The following RANBP17 variants were observed in gnomAD, a reference collection of about 807,000 sequenced individuals.
RANBP17 encodes the protein RAN binding protein 17, also known as ran-binding protein 17.
In RANBP17, 158 loss-of-function variants were observed where a neutral mutation model predicts 141.2. The ratio of observed to expected loss-of-function variants is 1.12; its 90% confidence interval spans 0.98 to 1.28. The LOEUF (loss-of-function observed/expected upper bound fraction) is 1.28. Ranked by LOEUF, RANBP17 falls within the 50% of genes most tolerant of loss-of-function variation. RANBP17 has a pLI of 0.00. For synonymous variants in RANBP17, 430 were observed against 450.0 expected (o/e 0.96, Z 0.56); for missense variants, 1,438 against 1,290.7 (o/e 1.11, Z -1.75).
rs1768398375 is a variant in RANBP17, at chr5:171,290,154, G to A, written c.2944-3729G>A. 2.6e-5 allele frequency among the ~76,000 whole-genome samples: 4 copies of A among 151,870 alleles called. 1 individual carries two copies. The South Asian group carries it at 8.3e-4, about 32-fold the overall frequency. On this transcript the variant is annotated intron_variant, in intron 25 of 27. Coordinates refer to ENST00000523189, the MANE Select transcript of RANBP17 (RefSeq NM_022897.5). ...GAGGCGGAGGCAGGTGGATCACGAG[G>A]TCAGGAGTTCGAGACCAGCCTGACC... is the stretch of plus-strand genomic sequence containing the variant.
chr5:171,227,320 T>A (rs1043890848), intron 22 of RANBP17, among the ~76,000 whole-genome samples: 1 of 152,228 alleles, frequency 6.6e-6, no homozygotes, highest in Non-Finnish European at 1.5e-5. Flanking sequence ...AACAACCTTA[T>A]TGCTGACATG....
chr5:171,057,641 C>G (rs1436286270), intron 14 of RANBP17, among the ~76,000 whole-genome samples: 1 of 133,150 alleles, frequency 7.5e-6, no homozygotes, highest in East Asian at 2.4e-4. Context: ...GAAGAAATAC[C>G]CAAGACTTGA....
At chr5:171,013,255 C>G (rs1199396077) in intron 14 of RANBP17, among the ~76,000 whole-genome samples, 1 of 152,158 alleles carries the variant, frequency 6.6e-6, no homozygotes, top group Non-Finnish European at 1.5e-5. Context: ...GCCCAACTTC[C>G]AGCCTTCGTG....
chr5:171,064,642 A>G (rs938050436), intron 14 of RANBP17, among the ~76,000 whole-genome samples: 2 of 152,176 alleles, frequency 1.3e-5, no homozygotes, highest in African/African-American at 4.8e-5. Flanking sequence ...GACTACAGAC[A>G]CATGCCACTG....
chr5:171,137,588 G>GTGTGTGTGTT (rs1757380217), intron 14 of RANBP17, among the ~76,000 whole-genome samples: 2 of 143,704 alleles, frequency 1.4e-5, no homozygotes, highest in Non-Finnish European at 3.0e-5. Context: ...GTGTGTGTGT[G>GTGTGTGTGTT]TGTGTGTGTG....
At chr5:170,912,847 A>T (rs555984981) in intron 7 of RANBP17, among the ~76,000 whole-genome samples, 1 of 152,054 alleles carries the variant, frequency 6.6e-6, no homozygotes, top group South Asian at 2.1e-4. Context: ...GCATTTTTGG[A>T]TTGAAAGATC....
intron 13 of RANBP17, among the ~76,000 whole-genome samples, chr5:170,959,613 C>T (rs1275546104): frequency 2.0e-5 from 3 of 152,144 alleles, no homozygotes; most frequent in Non-Finnish European, 2.9e-5. Context: ...TTTAGACTCC[C>T]CCCAAATTTA....
intron 14 of RANBP17, among the ~76,000 whole-genome samples, chr5:171,142,728 A>G (rs1000291352): frequency 1.3e-5 from 2 of 152,188 alleles, no homozygotes; most frequent in Non-Finnish European, 2.9e-5. Context: ...AAGGCCTACC[A>G]TGTACCAGTA....
At chr5:171,040,055 G>T (rs1782154977) in intron 14 of RANBP17, among the ~76,000 whole-genome samples, 2 of 151,846 alleles carry the variant, frequency 1.3e-5, no homozygotes, top group South Asian at 4.1e-4. Context: ...CCAAAATCTG[G>T]CAAGGACACG....
Position 171,214,678 on chromosome 5 carries a change from T to G in RANBP17, c.2339+940T>G, listed in dbSNP as rs146018588. Among the ~76,000 whole-genome samples the G allele has an allele frequency of 6.9e-3, 1,054 of 152,272 alleles. 15 individuals are homozygous for G. The highest frequency in any genetic ancestry group is 0.039 in the South Asian group (189 of 4,802). The stretch of plus-strand genomic sequence containing the variant: ...TGTGTGTATCATTTTTTTTAAAGCT[T>G]TTCATTTTTAAAAGCCACTCTCATA... On this transcript the variant is annotated intron_variant, in intron 21 of 27. Coordinates refer to ENST00000523189, the MANE Select transcript of RANBP17 (RefSeq NM_022897.5).
intron 14 of RANBP17, among the ~76,000 whole-genome samples, chr5:171,001,531 T>C (rs1298799558): frequency 1.3e-5 from 2 of 151,736 alleles, no homozygotes; most frequent in Non-Finnish European, 2.9e-5. Flanking sequence ...TAAAAAGGAG[T>C]GTCCATGCAG....
intron 14 of RANBP17, among the ~76,000 whole-genome samples, chr5:170,999,692 A>G (rs1265520552): frequency 6.6e-6 from 1 of 152,122 alleles, no homozygotes; most frequent in East Asian, 1.9e-4. Context: ...ATAACCTAAT[A>G]CCTATTATTC....
chr5:170,885,841 C>T (rs1769094286), intron 3 of RANBP17, among the ~76,000 whole-genome samples: 1 of 150,536 alleles, frequency 6.6e-6, no homozygotes, highest in South Asian at 2.1e-4. Context: ...CTCCAAGATC[C>T]ATATCTTGAA....
chr5:170,927,377 T>C (rs1401780016), intron 12 of RANBP17, among the ~76,000 whole-genome samples: 2 of 152,172 alleles, frequency 1.3e-5, no homozygotes, highest in Admixed American at 1.3e-4. Context: ...CATCAGCCTG[T>C]CATCTACATT....
At chr5:170,883,564 G>A (rs1235099569) in intron 3 of RANBP17, among the ~76,000 whole-genome samples, 4 of 152,062 alleles carry the variant, frequency 2.6e-5, no homozygotes, top group Admixed American at 2.6e-4. Flanking sequence ...ATACAGAATA[G>A]TTTTACTGCA....
chr5:171,203,633 C>A (rs1269023752), intron 19 of RANBP17, among the ~76,000 whole-genome samples: 2 of 151,904 alleles, frequency 1.3e-5, no homozygotes, highest in Non-Finnish European at 2.9e-5. Context: ...GTCCTATAGA[C>A]CACTTCTATT....
intron 12 of RANBP17, among the ~76,000 whole-genome samples, chr5:170,926,963 G>C (rs1397805251): frequency 1.3e-5 from 2 of 151,916 alleles, no homozygotes; most frequent in Non-Finnish European, 2.9e-5. Flanking sequence ...ATTTTTTGTA[G>C]ATACATACGT....
chr5:171,226,771 T>A (rs952183128), intron 22 of RANBP17, among the ~76,000 whole-genome samples: 1 of 152,172 alleles, frequency 6.6e-6, no homozygotes, highest in Non-Finnish European at 1.5e-5. Flanking sequence ...GGACTTTTTT[T>A]AAAAAAGAGG....
chr5:171,074,486 C>G (rs1173214535), intron 14 of RANBP17, among the ~76,000 whole-genome samples: 1 of 152,026 alleles, frequency 6.6e-6, no homozygotes, highest in Non-Finnish European at 1.5e-5. Flanking sequence ...TATTATTGTA[C>G]CAGTATTAAT....
Sources: allele counts gnomAD v4.1 joint callset (sites outside exome capture counted in the v4.1 genomes callset), GRCh38; gene constraint gnomAD v4.1.1; transcripts MANE v1.5; gene names NCBI Gene and HGNC (gene_info 2026-07-23, HGNC 2026-07-21).